Variants in JAK1 observed in about 807,000 individuals in gnomAD.
JAK1 encodes tyrosine-protein kinase JAK1.
A neutral mutation model predicts 136.6 loss-of-function variants in JAK1; 16 were observed. That is an observed-to-expected ratio of 0.12 (90% confidence interval 0.08 to 0.18). JAK1 has a LOEUF of 0.18. Ranked by LOEUF, JAK1 falls within the 10% of genes least tolerant of loss-of-function variation. The pLI, the probability that JAK1 is intolerant of heterozygous loss-of-function variation, is 1.00. For missense variants in JAK1, 859 were observed against 1,450.1 expected, an observed-to-expected ratio of 0.59 and a Z score of 6.62; for synonymous variants, 492 against 519.5, an observed-to-expected ratio of 0.95 and a Z score of 0.72.
intron 1 of JAK1, among the ~76,000 whole-genome samples, chr1:64,929,032 CTG>C (rs1209027961): frequency 6.6e-6 from 1 of 152,116 alleles, no homozygotes; most frequent in African/African-American, 2.4e-5. Flanking sequence ...CTGAAGGAAA[CTG>C]GAATTATCTT....
chr1:64,953,324 C>T (rs1341320477), intron 1 of JAK1, among the ~76,000 whole-genome samples: 2 of 152,080 alleles, frequency 1.3e-5, no homozygotes, highest in African/African-American at 4.8e-5. Context: ...CTACACAGTC[C>T]ATTTACAATT....
chr1:65,057,876 A>G (rs916881113), intron 1 of JAK1: 1 of 154,156 alleles, frequency 6.5e-6, no homozygotes, highest in Non-Finnish European at 1.5e-5. Context: ...GAATTAGGCC[A>G]GATCCTAAAT....
chr1:65,027,948 A>G (rs996008186), intron 2 of JAK1, among the ~76,000 whole-genome samples: 1 of 152,210 alleles, frequency 6.6e-6, no homozygotes, highest in Non-Finnish European at 1.5e-5. Context: ...ACGCTGCCAC[A>G]GCTGGCACAA....
intron 1 of JAK1, among the ~76,000 whole-genome samples, chr1:64,921,848 C>A (rs185671944): frequency 6.6e-6 from 1 of 152,080 alleles, no homozygotes; most frequent in East Asian, 1.9e-4. Flanking sequence ...CCAGATATAC[C>A]TCCTTTCCAT....
In JAK1 at chr1:64,873,421, T is replaced by C. The variant is rs748476774; in HGVS notation, c.432A>G (p.Pro144=). The C allele has an allele frequency of 3.7e-6, 6 of 1,614,176 alleles. 1 individual carries two copies. Among genetic ancestry groups the C allele is most frequent in the Middle Eastern group, 3.3e-4 (2 of 6,062 alleles). Residue 144 remains proline (P), a synonymous_variant, in exon 5 of 25, where the codon CCA becomes CCG. Coordinates refer to ENST00000342505, the MANE Select transcript of JAK1 (RefSeq NM_002227.4). ...QKNGYEKKKI[P]DATPLLDASS... is the part of the protein sequence containing the mutation. ...TGGCATCAAGGAGAGGGGTTGCATCTGGAATCTTTTTTTTCTCGTAGCCAT... is the reference window on the plus strand; with the variant it reads ...TGGCATCAAGGAGAGGGGTTGCATCCGGAATCTTTTTTTTCTCGTAGCCAT...
At chr1:65,047,219 G>A (rs890758903) in intron 1 of JAK1, among the ~76,000 whole-genome samples, 5 of 151,998 alleles carry the variant, frequency 3.3e-5, no homozygotes, top group African/African-American at 1.2e-4. Context: ...ATACAGTGGG[G>A]GAAAGGAAGC....
At chr1:65,057,032 C>G (rs1647577337) in intron 1 of JAK1, among the ~76,000 whole-genome samples, 1 of 151,402 alleles carries the variant, frequency 6.6e-6, no homozygotes. Flanking sequence ...CATCTCTGTT[C>G]TCTTTGCTCA....
At chr1:64,912,277 G>A (rs550513716) in intron 1 of JAK1, among the ~76,000 whole-genome samples, 78 of 152,226 alleles carry the variant, frequency 5.1e-4, no homozygotes, top group South Asian at 2.3e-3. Flanking sequence ...AGATTTCCAA[G>A]GTAGACACAG....
In JAK1 at chr1:64,931,304, G is replaced by A. The variant is rs938216287; in HGVS notation, c.-78+35029C>T. 2.0e-5 allele frequency among the ~76,000 whole-genome samples: 3 copies of A among 152,034 alleles called. No individual in the cohort carries two copies. In the East Asian group the frequency reaches 5.8e-4, roughly 29 times the overall value. Reference sequence around the variant, plus strand: ...GAGGAAGCAAATTCTAAGTACACCTGGATTACCTGCTCATCCTTGTTCAAC... The same window carrying A: ...GAGGAAGCAAATTCTAAGTACACCTAGATTACCTGCTCATCCTTGTTCAAC... On this transcript the variant is annotated intron_variant, in intron 1 of 24. Coordinates refer to ENST00000342505, the MANE Select transcript of JAK1 (RefSeq NM_002227.4).
intron 2 of JAK1, among the ~76,000 whole-genome samples, chr1:65,022,109 G>C (rs1201125722): frequency 6.6e-6 from 1 of 152,196 alleles, no homozygotes; most frequent in Non-Finnish European, 1.5e-5. Flanking sequence ...CCATCTCATT[G>C]TGCCAAGCTA....
intron 2 of JAK1, among the ~76,000 whole-genome samples, chr1:64,978,566 G>A (rs566535983): frequency 7.9e-5 from 12 of 152,172 alleles, no homozygotes; most frequent in African/African-American, 2.9e-4. Flanking sequence ...CTCTTTTATG[G>A]GGTTTTTCTT....
At chr1:65,052,572 G>C (rs1389483403) in intron 1 of JAK1, among the ~76,000 whole-genome samples, 3 of 152,064 alleles carry the variant, frequency 2.0e-5, no homozygotes, top group Admixed American at 2.0e-4. Context: ...CAGCACCTTT[G>C]GGAGGCCGAG....
At chr1:64,835,588 C>T (rs531496824) in intron 23 of JAK1, 82 bp from the exon 24 acceptor site, 9 of 829,094 alleles carry the variant, frequency 1.1e-5, no homozygotes, top group Middle Eastern at 5.1e-4. Context: ...GAAATTTCTA[C>T]AATCAACTGG....
At chr1:64,952,720 T>A (rs78687474) in intron 1 of JAK1, among the ~76,000 whole-genome samples, 2,048 of 152,190 alleles carry the variant, frequency 0.013, 45 homozygotes, top group African/African-American at 0.047. Context: ...AAAGAGATAC[T>A]AGGGAACTTC....
At chr1:65,049,754 T>C (rs914880648) in intron 1 of JAK1, among the ~76,000 whole-genome samples, 1 of 152,134 alleles carries the variant, frequency 6.6e-6, no homozygotes, top group Non-Finnish European at 1.5e-5. Context: ...GAACCTCATA[T>C]CCTCACCCCA....
chr1:64,850,444 G>C (rs1190648652), intron 12 of JAK1, among the ~76,000 whole-genome samples: 2 of 152,216 alleles, frequency 1.3e-5, no homozygotes, highest in African/African-American at 4.8e-5. Context: ...CTGAACTCTG[G>C]AGGTGCTCCA....
intron 11 of JAK1, 65 bp downstream of exon 11, chr1:64,855,444 G>T: frequency 1.4e-6 from 2 of 1,467,266 alleles, no homozygotes; most frequent in Non-Finnish European, 1.9e-6. Context: ...AGCGTGTTTT[G>T]GTCGATCTGG....
chr1:64,932,161 T>A (rs1424151355), intron 1 of JAK1, among the ~76,000 whole-genome samples: 1 of 141,960 alleles, frequency 7.0e-6, no homozygotes, highest in Non-Finnish European at 1.5e-5. Context: ...ACGCCTGTAA[T>A]CCCAGAACGT....
intron 1 of JAK1, among the ~76,000 whole-genome samples, chr1:64,956,856 T>C (rs183481520): frequency 1.8e-4 from 28 of 151,988 alleles, no homozygotes; most frequent in Admixed American, 3.9e-4. Flanking sequence ...ACATCCTCAT[T>C]GGGGGAGGAG....
Sources: gnomAD v4.1 joint callset for allele counts (sites outside exome capture counted in the v4.1 genomes callset) on GRCh38, gnomAD v4.1.1 for gene constraint, MANE v1.5 for transcripts, NCBI Gene and HGNC (gene_info 2026-07-23, HGNC 2026-07-21) for gene names.